The following PICALM variants were observed in gnomAD, a reference collection of about 807,000 sequenced individuals.
PICALM encodes the protein phosphatidylinositol binding clathrin assembly protein.
In PICALM, 40 loss-of-function variants were observed where a neutral mutation model predicts 80.5. The observed-to-expected ratio is 0.50, with a 90% CI of 0.39 to 0.65. The LOEUF is 0.65. Among genes scored for constraint, PICALM ranks in the 30% least tolerant of loss-of-function variants. The pLI, the probability that PICALM is intolerant of heterozygous loss-of-function variation, is 0.00. For missense variants in PICALM, 676 were observed against 778.9 expected (o/e 0.87, Z 1.57); for synonymous variants, 288 against 260.3 (o/e 1.11, Z -1.02).
chr11:86,007,739 A>G (rs949237787), intron 7 of PICALM, among the ~76,000 whole-genome samples, 156 bp from the exon 8 acceptor site: 1 of 152,166 alleles, frequency 6.6e-6, no homozygotes, highest in Non-Finnish European at 1.5e-5. Context: ...AACATTTCCA[A>G]TGGCTTAGAT....
intron 19 of PICALM, among the ~76,000 whole-genome samples, chr11:85,959,401 G>A (rs112133879): frequency 0.16 from 24,276 of 151,908 alleles, 2,525 homozygotes; most frequent in Middle Eastern, 0.24. Context: ...GCTGAGGTGG[G>A]CAGATCACCT....
rs1457199681 is a variant in PICALM at position 86,018,285 on chromosome 11, C to T, written c.453-3322G>A. 2.0e-5 allele frequency among the ~76,000 whole-genome samples: 3 copies of T among 152,092 alleles called. No homozygotes were observed. In the East Asian group the frequency reaches 5.8e-4, roughly 29 times the overall value. ...GGAAGGGGGAGTGTGCTCAATATCA[C>T]CATTTATTCAATCAACTAATATAAA... On this transcript the variant is annotated intron_variant, in intron 4 of 19. Coordinates refer to ENST00000393346, the MANE Select transcript of PICALM (RefSeq NM_007166.4).
At chr11:86,044,490 C>A (rs141086046) in intron 1 of PICALM, among the ~76,000 whole-genome samples, 1 of 152,170 alleles carries the variant, frequency 6.6e-6, no homozygotes, top group South Asian at 2.1e-4. Context: ...TAGTACCAGA[C>A]GGTGGAAATC....
At chr11:85,964,333 A>C (rs979970599) in intron 19 of PICALM, among the ~76,000 whole-genome samples, 2 of 152,232 alleles carry the variant, frequency 1.3e-5, no homozygotes, top group South Asian at 4.1e-4. Flanking sequence ...GTAGAGATTC[A>C]TTCTGTCTCA....
chr11:85,974,333 G>A, intron 19 of PICALM: 1 of 336,208 alleles, frequency 3.0e-6, no homozygotes, highest in South Asian at 2.5e-5. Context: ...AACACGCCCT[G>A]CTGTAGCATC....
In PICALM at chr11:86,045,519, C is replaced by CAAAAAAAAAAA. The variant is rs71040207; in HGVS notation, c.131-13919_131-13909dup. 9.6e-4 allele frequency among the ~76,000 whole-genome samples: 46 copies of CAAAAAAAAAAA among 47,800 alleles called. 3 individuals are homozygous for CAAAAAAAAAAA. Among genetic ancestry groups the CAAAAAAAAAAA allele is most frequent in the South Asian group, 2.6e-3 (2 of 762 alleles). The allele number at this position is 47,800 out of a possible 152,430, so 31.4% of individuals were successfully genotyped here. A position where few individuals can be genotyped will look rare whatever the true frequency, so the allele number is the denominator to read the frequency against. On this transcript the variant is annotated intron_variant, in intron 1 of 19. Transcript: ENST00000393346. ...CATAGTGAGACCCTGTCTTGAAATT[C>CAAAAAAAAAAA]AAAAAAAAAAAAAAAAAAAAAAAAA...
In PICALM at chr11:85,958,766, G is replaced by A; in HGVS notation, c.*280C>T. On this transcript the variant is annotated 3_prime_UTR_variant, in exon 20 of 20. Coordinates refer to ENST00000393346, the MANE Select transcript of PICALM (RefSeq NM_007166.4). The stretch of plus-strand genomic sequence containing the variant: ...TTTCTTGATAGGTTACTGATTATGG[G>A]TATTAACAGGAGTTGAAAGAATTGA... The A allele has an allele frequency of 2.8e-6, 1 of 357,260 alleles. No homozygotes were observed. Among genetic ancestry groups the A allele is most frequent in the African/African-American group, 2.1e-5 (1 of 48,546 alleles). The allele number at this position is 357,260 out of a possible 1,614,324, so 22.1% of individuals were successfully genotyped here.
chr11:85,984,020 C>T (rs1189070257), intron 13 of PICALM, 47 bp from the exon 14 acceptor site: 1 of 803,390 alleles, frequency 1.2e-6, no homozygotes, highest in Non-Finnish European at 2.1e-6. Flanking sequence ...AATAACTCTA[C>T]ATTTACGACT....
intron 1 of PICALM, among the ~76,000 whole-genome samples, chr11:86,064,224 C>T (rs1346660063): frequency 6.6e-6 from 1 of 152,148 alleles, no homozygotes; most frequent in African/African-American, 2.4e-5. Context: ...TCACAACATA[C>T]AAATAACCAT....
intron 2 of PICALM, among the ~76,000 whole-genome samples, chr11:86,027,124 T>A (rs1209865667): frequency 6.6e-6 from 1 of 152,248 alleles, no homozygotes; most frequent in African/African-American, 2.4e-5. Flanking sequence ...GAATACATCA[T>A]CATAAATCCA....
At position 86,000,149 on chromosome 11, in the gene PICALM, A is replaced by G. The variant is rs572784673; in HGVS notation, c.1154+494T>C. On this transcript the variant is annotated intron_variant, in intron 11 of 19. Coordinates refer to ENST00000393346, the MANE Select transcript of PICALM (RefSeq NM_007166.4). ...TGTTAAGTAGCTTAAATTAGACAAC[A>G]AGATTATTAAAGTTAGTCTGGTAGG... Among the ~76,000 whole-genome samples, 19 of 152,338 alleles carry G rather than the reference A, an allele frequency of 1.2e-4. No homozygotes were observed. The East Asian group carries it at 3.7e-3, about 29-fold the overall frequency.
chr11:86,066,953 A>C (rs1279346843), intron 1 of PICALM, among the ~76,000 whole-genome samples: 1 of 152,234 alleles, frequency 6.6e-6, no homozygotes, highest in East Asian at 1.9e-4. Flanking sequence ...TAAGAGTGTC[A>C]CCATTTAAAC....
intron 19 of PICALM, among the ~76,000 whole-genome samples, chr11:85,962,494 A>T (rs911689908): frequency 1.3e-5 from 2 of 152,214 alleles, no homozygotes; most frequent in African/African-American, 4.8e-5. Context: ...TGAAGACCTG[A>T]CAGACCCACA....
At chr11:86,030,397 A>G (rs2095729587) in intron 2 of PICALM, among the ~76,000 whole-genome samples, 1 of 152,252 alleles carries the variant, frequency 6.6e-6, no homozygotes. Flanking sequence ...ATGGATGTCA[A>G]CAAGTCATTA....
chr11:86,047,108 C>A (rs901283485), intron 1 of PICALM, among the ~76,000 whole-genome samples: 1 of 152,186 alleles, frequency 6.6e-6, no homozygotes, highest in African/African-American at 2.4e-5. Flanking sequence ...ATTTTTCAAA[C>A]AGTAACCTTT....
At position 85,981,214 on chromosome 11, in the gene PICALM, C is replaced by T. The variant is rs2094433158; in HGVS notation, c.1694G>A (p.Ser565Asn). The T allele has an allele frequency of 6.3e-7, 1 of 1,578,888 alleles. No homozygotes were observed. The highest frequency in any genetic ancestry group is 8.7e-7 in the Non-Finnish European group (1 of 1,147,872). ...NGTTKNDVNWSQPGEKKLTGG... is the reference protein window; with the variant it reads ...NGTTKNDVNWNQPGEKKLTGG... The stretch of plus-strand genomic sequence containing the variant: ...AGTTAACTTCTTTTCACCTGGTTGA[C>T]TCCAATTTACATCACTTTAAATAAA... The change falls in exon 17 of 20, where the codon AGT becomes AAT. Residue 565 changes from serine to asparagine, a missense_variant. By Grantham distance (46) the Ser-to-Asn change is conservative (BLOSUM62 1). Transcript: ENST00000393346.
intron 2 of PICALM, among the ~76,000 whole-genome samples, chr11:86,026,771 A>G (rs1165146253): frequency 2.6e-5 from 4 of 152,190 alleles, no homozygotes; most frequent in African/African-American, 9.7e-5. Flanking sequence ...AGCAATAGAG[A>G]TCCTCTTACC....
At chr11:86,024,035 A>T (rs1366352486) in intron 3 of PICALM, among the ~76,000 whole-genome samples, 6 of 152,088 alleles carry the variant, frequency 3.9e-5, no homozygotes, top group Non-Finnish European at 5.9e-5. Flanking sequence ...AGGAGGCTGA[A>T]GGGAGGACCG....
At chr11:86,028,838 CTTTTTTTTTT>C (rs71040205) in intron 2 of PICALM, among the ~76,000 whole-genome samples, 1 of 126,360 alleles carries the variant, frequency 7.9e-6, no homozygotes, top group African/African-American at 3.0e-5. Context: ...TTTTAATTTT[CTTTTTTTTTT>C]TTTTTTGAGA....
Sources: allele counts gnomAD v4.1 joint callset (sites outside exome capture counted in the v4.1 genomes callset), GRCh38; gene constraint gnomAD v4.1.1; transcripts MANE v1.5; gene names NCBI Gene and HGNC (gene_info 2026-07-23, HGNC 2026-07-21).